Variants in GALNTL6 observed in about 807,000 individuals in gnomAD.
GALNTL6 encodes the protein polypeptide N-acetylgalactosaminyltransferase-like 6.
A neutral mutation model predicts 73.7 loss-of-function variants in GALNTL6; 46 were observed. That is an observed-to-expected ratio of 0.62 (90% CI 0.49 to 0.80). The LOEUF is 0.80. GALNTL6 is among the 30% of genes least tolerant of loss of function. GALNTL6 has a pLI of 0.00. For missense variants in GALNTL6, 604 were observed against 755.0 expected, an observed-to-expected ratio of 0.80 and a Z score of 2.34; for synonymous variants, 259 against 263.7, an observed-to-expected ratio of 0.98 and a Z score of 0.17.
chr4:171,991,435 C>T (rs953672684), intron 2 of GALNTL6, among the ~76,000 whole-genome samples: 10 of 151,776 alleles, frequency 6.6e-5, no homozygotes, highest in African/African-American at 2.4e-4. Context: ...TTTGAAGTGT[C>T]GTTAACAGAG....
intron 2 of GALNTL6, among the ~76,000 whole-genome samples, chr4:171,935,338 G>A (rs1015706970): frequency 1.1e-4 from 16 of 152,186 alleles, no homozygotes; most frequent in East Asian, 3.9e-4. Flanking sequence ...ATGCTAGAGC[G>A]GAGTCATAGC....
chr4:172,781,606 A>C (rs2110898341), intron 5 of GALNTL6, among the ~76,000 whole-genome samples: 1 of 152,286 alleles, frequency 6.6e-6, no homozygotes, highest in African/African-American at 2.4e-5. Context: ...CTTATTGATC[A>C]GTTTAACAGA....
At chr4:172,812,953 C>T (rs998447996) in intron 6 of GALNTL6, among the ~76,000 whole-genome samples, 1 of 152,128 alleles carries the variant, frequency 6.6e-6, no homozygotes, top group Non-Finnish European at 1.5e-5. Context: ...AAATGTATAG[C>T]TTTGATCAAC....
intron 5 of GALNTL6, chr4:172,667,335 G>A (rs1731728274): frequency 6.6e-6 from 1 of 152,158 alleles, no homozygotes; most frequent in Non-Finnish European, 1.5e-5. Flanking sequence ...CTGTGATAAA[G>A]CCTGTGTCAG....
intron 2 of GALNTL6, among the ~76,000 whole-genome samples, chr4:172,215,340 A>G (rs981178255): frequency 6.6e-6 from 1 of 152,108 alleles, no homozygotes; most frequent in African/African-American, 2.4e-5. Context: ...ATTAATAAAG[A>G]GAGGTTTTGA....
At chr4:171,975,245 G>A (rs1277317821) in intron 2 of GALNTL6, among the ~76,000 whole-genome samples, 1 of 152,104 alleles carries the variant, frequency 6.6e-6, no homozygotes, top group African/African-American at 2.4e-5. Flanking sequence ...TCATGCTTTA[G>A]TAGATATATT....
chr4:172,250,406 G>A (rs1162485650), intron 3 of GALNTL6, among the ~76,000 whole-genome samples: 2 of 152,144 alleles, frequency 1.3e-5, no homozygotes, highest in African/African-American at 2.4e-5. Flanking sequence ...TGACTTTGGG[G>A]GACTGTTGAA....
chr4:172,550,448 T>A (rs1352873620), intron 5 of GALNTL6, among the ~76,000 whole-genome samples: 1 of 152,212 alleles, frequency 6.6e-6, no homozygotes, highest in Admixed American at 6.6e-5. Context: ...AGATTTATAT[T>A]TACTCTTCTG....
At chr4:172,315,771 C>T (rs894882702) in intron 4 of GALNTL6, among the ~76,000 whole-genome samples, 6 of 152,044 alleles carry the variant, frequency 3.9e-5, no homozygotes, top group African/African-American at 9.6e-5. Context: ...ATGGATATCT[C>T]GGTGGCCTGG....
chr4:172,034,821 G>A lies in GALNTL6; in HGVS notation c.139-194835G>A, dbSNP rs1741886396. The stretch of plus-strand genomic sequence containing the variant: ...TACATTGCCTTAGGTATCTTTTGGT[G>A]CATCAACAGTCAAGAACATGCTTTC... On this transcript the variant is annotated intron_variant, in intron 2 of 12. Transcript: ENST00000506823. 3.3e-5 allele frequency among the ~76,000 whole-genome samples: 5 copies of A among 152,130 alleles called. No individual in the cohort carries two copies. In the South Asian group the frequency reaches 1.0e-3, roughly 32 times the overall value.
chr4:172,978,976 A>C (rs532056417), intron 10 of GALNTL6, among the ~76,000 whole-genome samples: 1 of 152,254 alleles, frequency 6.6e-6, no homozygotes, highest in Non-Finnish European at 1.5e-5. Context: ...TAGTCCCTGT[A>C]TTATAGAGTT....
chr4:172,311,889 C>T (rs754784727), intron 4 of GALNTL6, 137 bp downstream of exon 4: 24 of 592,498 alleles, frequency 4.1e-5, no homozygotes, highest in Middle Eastern at 3.3e-4. Flanking sequence ...ACTCATATTG[C>T]ATCATCTTAA....
chr4:172,567,077 T>C (rs1736581432), intron 5 of GALNTL6, among the ~76,000 whole-genome samples: 1 of 152,028 alleles, frequency 6.6e-6, no homozygotes, highest in African/African-American at 2.4e-5. Flanking sequence ...TCATACACCT[T>C]CCATTCACTT....
At chr4:173,030,505 T>G (rs1385027268) in intron 12 of GALNTL6, among the ~76,000 whole-genome samples, 1 of 152,178 alleles carries the variant, frequency 6.6e-6, no homozygotes, top group African/African-American at 2.4e-5. Flanking sequence ...CTTTGTGAAC[T>G]GAACGCCTGC....
chr4:172,370,630 C>CAAAAAAAAAA (rs71592072), intron 5 of GALNTL6, among the ~76,000 whole-genome samples: 1 of 59,828 alleles, frequency 1.7e-5, no homozygotes, highest in Non-Finnish European at 3.2e-5. Flanking sequence ...GACTCCATCT[C>CAAAAAAAAAA]AAAAAAAAAA....
At chr4:172,624,218 A>G (rs562186046) in intron 5 of GALNTL6, among the ~76,000 whole-genome samples, 5 of 152,242 alleles carry the variant, frequency 3.3e-5, no homozygotes, top group South Asian at 2.1e-4. Context: ...ATTGAGTTGT[A>G]TGATCAAATG....
At chr4:172,560,831 C>T (rs1487002131) in intron 5 of GALNTL6, among the ~76,000 whole-genome samples, 1 of 152,172 alleles carries the variant, frequency 6.6e-6, no homozygotes, top group Admixed American at 6.5e-5. Flanking sequence ...TTGAAATGAA[C>T]TGAGCACTTA....
intron 5 of GALNTL6, among the ~76,000 whole-genome samples, chr4:172,465,458 C>G (rs970156315): frequency 1.3e-5 from 2 of 150,978 alleles, no homozygotes; most frequent in African/African-American, 4.9e-5. Flanking sequence ...GCTTGGGCGA[C>G]AGAGCGAGAA....
At chr4:172,659,219 T>G (rs1416743392) in intron 5 of GALNTL6, among the ~76,000 whole-genome samples, 1 of 152,078 alleles carries the variant, frequency 6.6e-6, no homozygotes, top group Non-Finnish European at 1.5e-5. Flanking sequence ...TCATAAAAGC[T>G]TTAATTTTTT....
Sources: gnomAD v4.1 joint callset for allele counts (sites outside exome capture counted in the v4.1 genomes callset) on GRCh38, gnomAD v4.1.1 for gene constraint, MANE v1.5 for transcripts, NCBI Gene and HGNC (gene_info 2026-07-23, HGNC 2026-07-21) for gene names.